PRKCQ: variants seen among roughly 807,000 people sequenced by gnomAD.
PRKCQ encodes protein kinase C theta type.
A neutral mutation model predicts 91.2 loss-of-function variants in PRKCQ; 41 were observed. That is an observed-to-expected ratio of 0.45 (90% CI 0.35 to 0.58). The LOEUF is 0.58. PRKCQ is among the 20% of genes least tolerant of loss of function. The pLI is 0.00. For synonymous variants in PRKCQ, 307 were observed against 316.9 expected, an observed-to-expected ratio of 0.97 and a Z score of 0.33; for missense variants, 673 against 896.5, an observed-to-expected ratio of 0.75 and a Z score of 3.18.
At position 6,465,697 on chromosome 10, in the gene PRKCQ, T is replaced by C. The variant is rs1047581277; in HGVS notation, c.1354-1293A>G. On this transcript the variant is annotated intron_variant, in intron 12 of 17. Transcript: ENST00000263125. The surrounding 1 kb of genome is among the most constrained non-coding windows in gnomAD (Gnocchi z 4.4). ...GGCATAGGAGGTAATAGTAGAAACA[T>C]TGTTCTGGTCTGACAGTGAGACTCC... Among the ~76,000 whole-genome samples the C allele has an allele frequency of 2.6e-5, 4 of 152,160 alleles. No homozygotes were observed. Among genetic ancestry groups the C allele is most frequent in the African/African-American group, 7.2e-5 (3 of 41,448 alleles).
Position 6,456,569 on chromosome 10 carries a change from C to A in PRKCQ, c.1647+105G>T, listed in dbSNP as rs1405314787. The A allele has an allele frequency of 2.8e-6, 4 of 1,423,790 alleles. No homozygotes were observed. The Admixed American group carries it at 7.1e-5, about 25-fold the overall frequency. The allele number at this position is 1,423,790 out of a possible 1,614,324, so 88.2% of individuals were successfully genotyped here. On this transcript the variant is annotated intron_variant, in intron 15 of 17. Coordinates refer to ENST00000263125, the MANE Select transcript of PRKCQ (RefSeq NM_006257.5). ...GATACTTAAGAAAACAGGTACAAAT[C>A]TTGAATGAAGATATTTAAAACCTTC...
chr10:6,514,888 T>C (rs1831369907), intron 2 of PRKCQ, 130 bp downstream of exon 2: 1 of 1,461,038 alleles, frequency 6.8e-7, no homozygotes, highest in Admixed American at 2.0e-5. Context: ...TTGCTGGGCA[T>C]CAGCGTCCTA....
At chr10:6,542,988 C>T (rs770927226) in intron 1 of PRKCQ, among the ~76,000 whole-genome samples, 5 of 152,176 alleles carry the variant, frequency 3.3e-5, no homozygotes, top group Non-Finnish European at 7.3e-5. Context: ...TCCCCACTGC[C>T]ATCACGTCCT....
intron 7 of PRKCQ, among the ~76,000 whole-genome samples, chr10:6,495,778 G>A (rs1427391228): frequency 6.6e-6 from 1 of 152,212 alleles, no homozygotes. Context: ...ACAGAGTGGA[G>A]TAATAGACAT....
the PRKCQ span, among the ~76,000 whole-genome samples, chr10:6,419,189 C>G: frequency 4.0e-5 from 6 of 151,550 alleles, no homozygotes; most frequent in Admixed American, 1.3e-4. Flanking sequence ...CTGTCTATCT[C>G]TCTATCTCTC....
intron 4 of PRKCQ, among the ~76,000 whole-genome samples, chr10:6,505,417 TTTCCTTCCTTCCTTTC>T (rs887622993): frequency 7.2e-6 from 1 of 138,606 alleles, no homozygotes; most frequent in African/African-American, 3.0e-5. Context: ...TCTTTCTTTC[TTTCCTTCCTTCCTTTC>T]TTCCTTCCTT....
the PRKCQ span, among the ~76,000 whole-genome samples, chr10:6,407,535 G>T: frequency 1.3e-5 from 2 of 151,816 alleles, no homozygotes; most frequent in African/African-American, 4.8e-5. This position sits in a 1 kb window ranked among gnomAD's most constrained non-coding sequence, Gnocchi z 4.0. Flanking sequence ...TGTATGGTGT[G>T]TTCATGTGTG....
rs372314467 is a variant in PRKCQ, at chr10:6,430,754, G to A, written c.1965+56C>T. 14 of 1,584,890 alleles carry A rather than the reference G, an allele frequency of 8.8e-6. No homozygotes were observed. Among genetic ancestry groups the A allele is most frequent in the African/African-American group, 2.7e-5 (2 of 74,506 alleles). On this transcript the variant is annotated intron_variant, in intron 17 of 17. Transcript: ENST00000263125. This position sits in a 1 kb window ranked among gnomAD's most constrained non-coding sequence, Gnocchi z 4.7. The stretch of plus-strand genomic sequence containing the variant: ...GCTGCGGTGACTTGGACAGGCAGAC[G>A]GCCCTGAGCGGAGGGAGAGTGGCTG...
At chr10:6,511,893 G>A (rs909174783) in intron 2 of PRKCQ, among the ~76,000 whole-genome samples, 2 of 151,924 alleles carry the variant, frequency 1.3e-5, no homozygotes, top group African/African-American at 4.9e-5. Flanking sequence ...TGGGACTATT[G>A]GGTTGGTTTC....
At chr10:6,423,271 G>A (rs879656697), downstream of PRKCQ, among the ~76,000 whole-genome samples, 2 of 152,174 alleles carry the variant, frequency 1.3e-5, no homozygotes, top group African/African-American at 2.4e-5. Flanking sequence ...TGGTGCTCAC[G>A]GCAGTGTGGT....
chr10:6,485,913 C>A, intron 9 of PRKCQ, 122 bp downstream of exon 9: 1 of 782,086 alleles, frequency 1.3e-6, no homozygotes, highest in South Asian at 1.6e-5. Context: ...AAGGGCAAGG[C>A]CGGTGCTCAG....
Position 6,428,327 on chromosome 10 carries a change from T to C in PRKCQ, c.2001A>G (p.Glu667=). The part of the protein sequence containing the change: ...SPFDCSNFDK[E]FLNEKPRLSF... ...ACAGCCGGGGCTTCTCGTTTAAGAA[T>C]TCTTTGTCGAAATTGCTGCAGTCAA... is the stretch of plus-strand genomic sequence containing the variant. The change falls in exon 18 of 18, where the codon GAA becomes GAG. Residue 667 remains glutamate (E), a synonymous_variant. Coordinates refer to ENST00000263125, the MANE Select transcript of PRKCQ (RefSeq NM_006257.5). The C allele has an allele frequency of 1.2e-6, 2 of 1,614,064 alleles. No homozygotes were observed. The highest frequency in any genetic ancestry group is 1.7e-6 in the Non-Finnish European group (2 of 1,179,976).
Position 6,446,838 on chromosome 10 carries a change from C to T in PRKCQ, c.1648-4757G>A, listed in dbSNP as rs12267924. On this transcript the variant is annotated intron_variant, in intron 15 of 17. Transcript: ENST00000263125. ...ACAGCTCAAAATGCACAAGGAAACC[C>T]GGGAAAGCAGCGAGAGAGGAACAGT... Among the ~76,000 whole-genome samples the T allele has an allele frequency of 8.9e-3, 1,351 of 152,260 alleles. 11 individuals are homozygous for T. Among genetic ancestry groups the T allele is most frequent in the African/African-American group, 0.031 (1,276 of 41,534 alleles).
the PRKCQ span, among the ~76,000 whole-genome samples, chr10:6,403,002 C>T: frequency 6.6e-6 from 1 of 152,256 alleles, no homozygotes; most frequent in Non-Finnish European, 1.5e-5. Flanking sequence ...CACCTGGCTG[C>T]TGCTTTTCCT....
At chr10:6,464,541 C>G (rs1835535267) in intron 12 of PRKCQ, 137 bp from the exon 13 acceptor site, 2 of 677,200 alleles carry the variant, frequency 3.0e-6, no homozygotes, top group Non-Finnish European at 5.0e-6. Flanking sequence ...CCTCCGCCTC[C>G]TGGCTTCAAG....
At chr10:6,489,378 C>G (rs1040274490) in intron 8 of PRKCQ, 1 of 522,352 alleles carries the variant, frequency 1.9e-6, no homozygotes, top group Admixed American at 2.0e-5. Context: ...CGAGAAGGTC[C>G]TAAGTCTTTG....
intron 1 of PRKCQ, among the ~76,000 whole-genome samples, chr10:6,566,608 A>G (rs1396547594): frequency 6.6e-6 from 1 of 152,184 alleles, no homozygotes; most frequent in East Asian, 1.9e-4. Context: ...AACGAGATTC[A>G]GTGGCCTCTC....
chr10:6,514,039 G>C (rs1036428977), intron 2 of PRKCQ, among the ~76,000 whole-genome samples: 3 of 152,136 alleles, frequency 2.0e-5, no homozygotes, highest in Non-Finnish European at 4.4e-5. Flanking sequence ...CAGTCTTCCT[G>C]AGTTCCTTCA....
At chr10:6,516,422 G>A (rs1008811956) in intron 1 of PRKCQ, among the ~76,000 whole-genome samples, 11 of 152,172 alleles carry the variant, frequency 7.2e-5, no homozygotes, top group East Asian at 5.8e-4. Context: ...TATCTGTCAC[G>A]TTGCTGAATT....
Sources: allele counts gnomAD v4.1 joint callset (sites outside exome capture counted in the v4.1 genomes callset), GRCh38; gene constraint gnomAD v4.1.1; non-coding constraint Gnocchi (gnomAD v3.1); transcripts MANE v1.5; gene names NCBI Gene and HGNC (gene_info 2026-07-23, HGNC 2026-07-21).